TATDN2: variants seen among roughly 807,000 people sequenced by gnomAD.
TATDN2 encodes the protein 3'-5' RNA nuclease TATDN2.
Under a neutral mutation model 60.3 loss-of-function variants are expected in TATDN2, and 44 were observed. That is an observed-to-expected ratio of 0.73 (90% CI 0.57 to 0.94). The LOEUF is 0.94. Ranked by LOEUF, TATDN2 falls within the 40% of genes least tolerant of loss-of-function variation. The probability of loss-of-function intolerance (pLI) is 0.00; values close to 1 mark genes in which losing one functional copy is unlikely to be tolerated. For missense variants in TATDN2, 997 were observed against 948.0 expected, an observed-to-expected ratio of 1.05 and a Z score of -0.68; for synonymous variants, 399 against 355.8, an observed-to-expected ratio of 1.12 and a Z score of -1.37.
chr3:10,275,539 G>A (rs2125181198), intron 4 of TATDN2, among the ~76,000 whole-genome samples: 1 of 152,278 alleles, frequency 6.6e-6, no homozygotes, highest in South Asian at 2.1e-4. Flanking sequence ...GTTGAGGTTA[G>A]TTTGAGACCA....
Position 10,280,850 on chromosome 3 carries a change from T to G in TATDN2, c.*1668T>G, listed in dbSNP as rs1374692849. ...TATCAAAGTGTTTATAGTCACCAAGTGAACTGCAGCACAACCATCTCCTCT... is the reference window on the plus strand; with the variant it reads ...TATCAAAGTGTTTATAGTCACCAAGGGAACTGCAGCACAACCATCTCCTCT... On this transcript the variant is annotated 3_prime_UTR_variant, in exon 8 of 8. Transcript: ENST00000448281. The G allele has an allele frequency of 6.5e-6, 1 of 153,484 alleles. No homozygotes were observed. Among genetic ancestry groups the G allele is most frequent in the African/African-American group, 2.4e-5 (1 of 41,416 alleles). The allele number at this position is 153,484 out of a possible 1,614,324, so 9.5% of individuals were successfully genotyped here. A position where few individuals can be genotyped will look rare whatever the true frequency, so the allele number is the denominator to read the frequency against.
chr3:10,251,030 G>A (rs1698227287), intron 2 of TATDN2, among the ~76,000 whole-genome samples: 1 of 152,136 alleles, frequency 6.6e-6, no homozygotes, highest in Non-Finnish European at 1.5e-5. Flanking sequence ...TTGAGGGTGT[G>A]GTCTCTAATC....
chr3:10,268,267 G>C (rs187918341), intron 3 of TATDN2, among the ~76,000 whole-genome samples: 1 of 152,272 alleles, frequency 6.6e-6, no homozygotes, highest in East Asian at 1.9e-4. Flanking sequence ...TTTAAGTGTT[G>C]GTTACTAATA....
chr3:10,277,855 T>C (rs1698661563), intron 5 of TATDN2, among the ~76,000 whole-genome samples: 1 of 152,134 alleles, frequency 6.6e-6, no homozygotes, highest in African/African-American at 2.4e-5. Context: ...ATTAAGAAAA[T>C]CCACCTGTAG....
intron 2 of TATDN2, among the ~76,000 whole-genome samples, chr3:10,249,825 T>G (rs1252035499): frequency 6.6e-6 from 1 of 152,170 alleles, no homozygotes; most frequent in Non-Finnish European, 1.5e-5. Context: ...ATTTTCAAAC[T>G]CGGCAGCACT....
chr3:10,252,713 C>T (rs575060109), intron 2 of TATDN2, among the ~76,000 whole-genome samples: 1 of 151,478 alleles, frequency 6.6e-6, no homozygotes, highest in East Asian at 2.0e-4. Context: ...TTGTTTGAGA[C>T]AGGGTCTTGC....
intron 3 of TATDN2, among the ~76,000 whole-genome samples, chr3:10,263,984 G>C (rs1406214734): frequency 6.6e-6 from 1 of 152,176 alleles, no homozygotes; most frequent in Non-Finnish European, 1.5e-5. Flanking sequence ...GCTGGGAGCT[G>C]GGTAGCGAAA....
intron 4 of TATDN2, among the ~76,000 whole-genome samples, chr3:10,275,379 A>G (rs1172613470): frequency 2.6e-5 from 4 of 152,232 alleles, no homozygotes; most frequent in Admixed American, 1.3e-4. Flanking sequence ...AAGATTTAAA[A>G]GTGGGTAGTG....
At chr3:10,267,784 G>A (rs767673560) in intron 3 of TATDN2, among the ~76,000 whole-genome samples, 6 of 152,142 alleles carry the variant, frequency 3.9e-5, no homozygotes, top group African/African-American at 7.2e-5. Flanking sequence ...TTATTTTGCA[G>A]ACATGTTAAT....
chr3:10,268,182 G>C (rs1443843691), intron 3 of TATDN2, among the ~76,000 whole-genome samples: 3 of 152,190 alleles, frequency 2.0e-5, no homozygotes, highest in African/African-American at 7.2e-5. Context: ...TTCTTGTTTG[G>C]ATATTTCTGC....
At position 10,260,348 on chromosome 3, in the gene TATDN2, G is replaced by T; in HGVS notation, c.626G>T (p.Arg209Leu). 1.2e-6 allele frequency: 2 copies of T among 1,614,148 alleles called. No individual in the cohort carries two copies. Among genetic ancestry groups the T allele is most frequent in the Non-Finnish European group, 1.7e-6 (2 of 1,180,032 alleles). ...MPKRKGEAAT[R>L]AKPSAAEHPS... ...AAAAGGAAGGGAGAGGCTGCCACTC[G>T]GGCAAAACCAAGCGCAGCAGAGCAT... The change falls in exon 3 of 8, where the codon CGG (arginine) becomes CTG (leucine). Residue 209 changes from arginine (R) to leucine (L), a missense_variant. Arg to Leu is a moderately radical substitution (Grantham distance 102, BLOSUM62 -2). Coordinates refer to ENST00000448281, the MANE Select transcript of TATDN2 (RefSeq NM_014760.4).
chr3:10,259,440 A>G (rs999897718), intron 2 of TATDN2, among the ~76,000 whole-genome samples: 15 of 152,238 alleles, frequency 9.9e-5, no homozygotes, highest in Non-Finnish European at 2.1e-4. Context: ...AGAATTTCAC[A>G]TCAAAATAGT....
In TATDN2 at chr3:10,271,001, C is replaced by G. The variant is rs1052783437; in HGVS notation, c.1819C>G (p.Pro607Ala). 11 of 1,583,378 alleles carry G rather than the reference C, an allele frequency of 6.9e-6. No homozygotes were observed. The highest frequency in any genetic ancestry group is 8.6e-6 in the Non-Finnish European group (10 of 1,167,758). The change falls in exon 4 of 8, where the codon CCA becomes GCA. Residue 607 changes from proline to alanine, a missense_variant. Physicochemically the swap from Pro to Ala is conservative, Grantham distance 27. Transcript: ENST00000448281. ...CTCTTACAAGTGCACCACGCCTGTC[C>G]CAGAACAGCACAAGGTAACAAGGCT... Reference protein sequence around the residue: ...DYSYKCTTPVPEQHKVFERQL... With the variant: ...DYSYKCTTPVAEQHKVFERQL...
rs916749838 is a variant in TATDN2 at position 10,258,130 on chromosome 3, C to T, written c.415-2007C>T. On this transcript the variant is annotated intron_variant, in intron 2 of 7. Coordinates refer to ENST00000448281, the MANE Select transcript of TATDN2 (RefSeq NM_014760.4). ...AAGTGCTGGGATTACAGACATTAGC[C>T]ACCGCGCCCAGCTAGGTTTATGATT... 2.2e-4 allele frequency among the ~76,000 whole-genome samples: 34 copies of T among 151,658 alleles called. 1 individual carries two copies. Among genetic ancestry groups the T allele is most frequent in the Admixed American group, 1.4e-3 (21 of 15,228 alleles).
At chr3:10,257,897 G>A (rs1482501741) in intron 2 of TATDN2, among the ~76,000 whole-genome samples, 1 of 88,980 alleles carries the variant, frequency 1.1e-5, no homozygotes, top group Admixed American at 1.8e-4. Context: ...GTCTTACTCT[G>A]TAGCCCAGGC....
At position 10,279,691 on chromosome 3, in the gene TATDN2, C is replaced by G. The variant is rs957489224; in HGVS notation, c.*509C>G. ...CCTATCTCGGAGGTTTATTTTCTTG[C>G]AACCAGTGAAGTCGTCCTCCTCCCT... On this transcript the variant is annotated 3_prime_UTR_variant, in exon 8 of 8. Coordinates refer to ENST00000448281, the MANE Select transcript of TATDN2 (RefSeq NM_014760.4). The G allele has an allele frequency of 1.1e-4, 16 of 152,176 alleles. No homozygotes were observed. The highest frequency in any genetic ancestry group is 3.4e-4 in the African/African-American group (14 of 41,412). 9.4% of individuals were successfully genotyped at this position (152,176 alleles called of 1,614,324 possible).
chr3:10,254,038 C>G (rs1034337826), intron 2 of TATDN2, among the ~76,000 whole-genome samples: 1 of 152,190 alleles, frequency 6.6e-6, no homozygotes, highest in Non-Finnish European at 1.5e-5. Flanking sequence ...GTGAGTTAGC[C>G]CAGGCACAGT....
At chr3:10,262,056 T>C (rs1698414327) in intron 3 of TATDN2, among the ~76,000 whole-genome samples, 1 of 152,238 alleles carries the variant, frequency 6.6e-6, no homozygotes, top group South Asian at 2.1e-4. Flanking sequence ...ACTTTGTTTT[T>C]CCTTTGGTTT....
rs892725552 is a variant in TATDN2 at position 10,278,660 on chromosome 3, C to G, written c.2145+198C>G. 5.1e-6 allele frequency: 5 copies of G among 975,792 alleles called. No homozygotes were observed. Among genetic ancestry groups the G allele is most frequent in the Non-Finnish European group, 6.3e-6 (4 of 632,592 alleles). 60.4% of individuals were successfully genotyped at this position (975,792 alleles called of 1,614,324 possible). A position where few individuals can be genotyped will look rare whatever the true frequency, so the allele number is the denominator to read the frequency against. ...GAAGCTGAAGGGTAACCACTCTCTT[C>G]CAGGCAGTGCAAAGCCCTACCCTGT... On this transcript the variant is annotated intron_variant, in intron 6 of 7. Transcript: ENST00000448281. The surrounding 1 kb of genome is among the most constrained non-coding windows in gnomAD (Gnocchi z 4.7).
Sources: gnomAD v4.1 joint callset for allele counts (sites outside exome capture counted in the v4.1 genomes callset) on GRCh38, gnomAD v4.1.1 for gene constraint, Gnocchi (gnomAD v3.1) non-coding constraint, MANE v1.5 for transcripts, NCBI Gene and HGNC (gene_info 2026-07-23, HGNC 2026-07-21) for gene names.